The following CSRNP3 variants were observed in gnomAD, a reference collection of about 807,000 sequenced individuals.
CSRNP3 encodes the protein cysteine and serine rich nuclear protein 3.
CSRNP3 carries 12 observed loss-of-function variants against 48.0 expected under a neutral mutation model. The ratio of observed to expected loss-of-function variants is 0.25; its 90% CI spans 0.16 to 0.41. The LOEUF (loss-of-function observed/expected upper bound fraction) is 0.41, where lower values mean the gene tolerates loss of function less well. Ranked by LOEUF, CSRNP3 falls within the 10% of genes least tolerant of loss-of-function variation. The pLI, the probability that CSRNP3 is intolerant of heterozygous loss-of-function variation, is 1.00. For missense variants in CSRNP3, 580 were observed against 724.4 expected (o/e 0.80, Z 2.29); for synonymous variants, 263 against 269.7 (o/e 0.98, Z 0.24).
intron 1 of CSRNP3, among the ~76,000 whole-genome samples, chr2:165,486,359 G>A (rs1684116909): frequency 1.3e-5 from 2 of 151,350 alleles, no homozygotes; most frequent in South Asian, 4.2e-4. Flanking sequence ...GCGGCAGCGA[G>A]GCTGGGGGAG....
intron 2 of CSRNP3, among the ~76,000 whole-genome samples, chr2:165,511,846 TCTC>T (rs2105227382): frequency 6.6e-6 from 1 of 152,314 alleles, no homozygotes; most frequent in South Asian, 2.1e-4. Flanking sequence ...TCCTACATTT[TCTC>T]TAGTTGCAGT....
chr2:165,661,794 G>A (rs914063336), intron 5 of CSRNP3, among the ~76,000 whole-genome samples: 9 of 152,146 alleles, frequency 5.9e-5, no homozygotes, highest in African/African-American at 2.2e-4. Context: ...CGCTGAATAA[G>A]GAGTGAGGAA....
At chr2:165,567,369 G>C (rs1224530142) in intron 3 of CSRNP3, among the ~76,000 whole-genome samples, 1 of 151,882 alleles carries the variant, frequency 6.6e-6, no homozygotes, top group Non-Finnish European at 1.5e-5. Flanking sequence ...TTAAGGATGG[G>C]GAAAAAATCT....
chr2:165,656,723 A>G (rs1459289291), intron 4 of CSRNP3, among the ~76,000 whole-genome samples: 2 of 152,166 alleles, frequency 1.3e-5, no homozygotes, highest in African/African-American at 2.4e-5. Flanking sequence ...AGTGCCAGTG[A>G]GCCTTTTTGT....
intron 4 of CSRNP3, among the ~76,000 whole-genome samples, chr2:165,634,189 A>G (rs903172862): frequency 6.6e-6 from 1 of 152,002 alleles, no homozygotes; most frequent in African/African-American, 2.4e-5. Flanking sequence ...AAATACAAAA[A>G]ATTAGCCAGG....
At position 165,572,301 on chromosome 2, in the gene CSRNP3, C is replaced by G. The variant is rs958653830; in HGVS notation, c.-23-22742C>G. 7 of 152,218 alleles carry G rather than the reference C, an allele frequency of 4.6e-5. No homozygotes were observed. The East Asian group carries it at 7.8e-4, about 17-fold the overall frequency. 9.4% of individuals were successfully genotyped at this position (152,218 alleles called of 1,614,324 possible). ...AGTGAAGTCAGTGGCACGCCTGGCT[C>G]TCTCAGACAAAACTCCATGTGATCA... On this transcript the variant is annotated intron_variant, in intron 3 of 6. Transcript: ENST00000651982.
chr2:165,514,669 C>T (rs1204897766), intron 2 of CSRNP3, among the ~76,000 whole-genome samples: 1 of 152,236 alleles, frequency 6.6e-6, no homozygotes, highest in Non-Finnish European at 1.5e-5. Flanking sequence ...ATCCCCAATA[C>T]TTGGACCTTT....
intron 4 of CSRNP3, among the ~76,000 whole-genome samples, chr2:165,619,972 G>A (rs898982565): frequency 1.3e-5 from 2 of 152,156 alleles, no homozygotes; most frequent in Non-Finnish European, 1.5e-5. Flanking sequence ...GTCTAAATCT[G>A]AAGTGGACAC....
At chr2:165,634,294 C>T (rs1023146989) in intron 4 of CSRNP3, among the ~76,000 whole-genome samples, 7 of 151,974 alleles carry the variant, frequency 4.6e-5, no homozygotes, top group Admixed American at 6.6e-5. Flanking sequence ...GAGCTGAGAT[C>T]GCACCACTGC....
At chr2:165,607,487 G>A (rs1686051201) in intron 4 of CSRNP3, among the ~76,000 whole-genome samples, 2 of 152,110 alleles carry the variant, frequency 1.3e-5, no homozygotes, top group Admixed American at 1.3e-4. Context: ...CAGGTGTTCA[G>A]CTCCAGTCCC....
intron 4 of CSRNP3, among the ~76,000 whole-genome samples, chr2:165,657,436 C>G (rs1310132887): frequency 6.6e-6 from 1 of 152,170 alleles, no homozygotes; most frequent in African/African-American, 2.4e-5. Flanking sequence ...AACATATCCT[C>G]TAAAGATAAG....
chr2:165,629,111 A>C (rs1338715325), intron 4 of CSRNP3, among the ~76,000 whole-genome samples: 2 of 152,200 alleles, frequency 1.3e-5, no homozygotes, highest in Admixed American at 6.5e-5. Flanking sequence ...GGTAAGAGCC[A>C]TGTGTTAAAC....
chr2:165,576,846 T>C (rs1685458963), intron 3 of CSRNP3, among the ~76,000 whole-genome samples: 1 of 152,022 alleles, frequency 6.6e-6, no homozygotes, highest in Non-Finnish European at 1.5e-5. Context: ...TTTAGGGATA[T>C]GTACTTAGTC....
At chr2:165,622,977 G>A (rs879669228) in intron 4 of CSRNP3, among the ~76,000 whole-genome samples, 3 of 152,208 alleles carry the variant, frequency 2.0e-5, no homozygotes, top group South Asian at 4.1e-4. Flanking sequence ...TGTATGAGGC[G>A]TCTCCATACC....
In CSRNP3 at chr2:165,476,957, T is replaced by C. The variant is rs1158973882; in HGVS notation, c.-283+7217T>C. ...AATAATCCTCAGTATTTGTAATGAC[T>C]TCCTAAGTATTATTGCTTGCTAGTG... is the stretch of plus-strand genomic sequence containing the variant. On this transcript the variant is annotated intron_variant, in intron 1 of 6. Coordinates refer to ENST00000651982, the MANE Select transcript of CSRNP3 (RefSeq NM_001172173.2). Among the ~76,000 whole-genome samples, 3 of 152,312 alleles carry C rather than the reference T, an allele frequency of 2.0e-5. No homozygotes were observed. The East Asian group carries it at 5.8e-4, about 29-fold the overall frequency.
intron 3 of CSRNP3, among the ~76,000 whole-genome samples, chr2:165,593,257 A>C (rs879802888): frequency 6.6e-6 from 1 of 152,230 alleles, no homozygotes; most frequent in Non-Finnish European, 1.5e-5. Context: ...TTATGTGACT[A>C]TCTAGGGCTG....
intron 2 of CSRNP3, among the ~76,000 whole-genome samples, chr2:165,506,787 G>C (rs1159178019): frequency 6.6e-6 from 1 of 152,110 alleles, no homozygotes; most frequent in Non-Finnish European, 1.5e-5. Flanking sequence ...GAACCTGACT[G>C]ACAACCCTAG....
rs936299801 is a variant in CSRNP3 at position 165,688,917 on chromosome 2, ACTT to A, written c.*9166_*9168del. 9.7e-4 allele frequency: 147 copies of A among 152,250 alleles called. No individual in the cohort carries two copies. The highest frequency in any genetic ancestry group is 3.5e-3 in the African/African-American group (144 of 41,564). 9.4% of individuals were successfully genotyped at this position (152,250 alleles called of 1,614,324 possible). ...GTTACTTTTACTCAATATCAACAGT[ACTT>A]CAATAGATATTTATTAGTTATGTTC... is the stretch of plus-strand genomic sequence containing the variant. On this transcript the variant is annotated 3_prime_UTR_variant, in exon 7 of 7. Transcript: ENST00000651982.
chr2:165,584,818 T>C (rs1246210311), intron 3 of CSRNP3, among the ~76,000 whole-genome samples: 1 of 152,198 alleles, frequency 6.6e-6, no homozygotes, highest in Admixed American at 6.5e-5. Flanking sequence ...TTGGCTTCCA[T>C]GGGCCATATT....
Sources: allele counts gnomAD v4.1 joint callset (sites outside exome capture counted in the v4.1 genomes callset), GRCh38; gene constraint gnomAD v4.1.1; transcripts MANE v1.5; gene names NCBI Gene and HGNC (gene_info 2026-07-23, HGNC 2026-07-21).